Variants in FAM200B observed in about 807,000 individuals in gnomAD.
The protein encoded by FAM200B is protein FAM200B.
A neutral mutation model predicts 33.1 loss-of-function variants in FAM200B; 32 were observed. That is an observed-to-expected ratio of 0.97 (90% CI 0.73 to 1.30). The LOEUF is 1.30. Ranked by LOEUF, FAM200B falls within the 50% of genes most tolerant of loss-of-function variation. The pLI, the probability that FAM200B is intolerant of heterozygous loss-of-function variation, is 0.00. For missense variants in FAM200B, 741 were observed against 754.0 expected (o/e 0.98, Z 0.20); for synonymous variants, 240 against 264.8 (o/e 0.91, Z 0.91).
chr4:15,658,060 C>A, the FAM200B span, among the ~76,000 whole-genome samples: 1 of 152,162 alleles, frequency 6.6e-6, no homozygotes, highest in South Asian at 2.1e-4. Context: ...AAAAATATAA[C>A]TTATTCTGTT....
Position 15,689,007 on chromosome 4 carries a change from T to C in FAM200B, c.*56T>C. On this transcript the variant is annotated 3_prime_UTR_variant, in exon 2 of 2. Coordinates refer to ENST00000422728, the MANE Select transcript of FAM200B (RefSeq NM_001145191.2). Reference sequence around the variant, plus strand: ...TGTATTTCTTATTTTGTAGTATTTTTCTATGTTATATTTAAATGGTACTAT... The same window carrying C: ...TGTATTTCTTATTTTGTAGTATTTTCCTATGTTATATTTAAATGGTACTAT... 7.8e-7 allele frequency: 1 copy of C among 1,288,520 alleles called. No homozygotes were observed. The highest frequency in any genetic ancestry group is 2.1e-5 in the South Asian group (1 of 47,616). The allele number at this position is 1,288,520 out of a possible 1,614,324, so 79.8% of individuals were successfully genotyped here. A position where few individuals can be genotyped will look rare whatever the true frequency, so the allele number is the denominator to read the frequency against.
the FAM200B span, among the ~76,000 whole-genome samples, chr4:15,646,260 T>C: frequency 1.3e-5 from 2 of 152,206 alleles, no homozygotes; most frequent in Non-Finnish European, 2.9e-5. Flanking sequence ...CAAAATACTA[T>C]TCTTCTTTTG....
the FAM200B span, among the ~76,000 whole-genome samples, chr4:15,665,297 T>C: frequency 6.6e-6 from 1 of 152,072 alleles, no homozygotes; most frequent in Non-Finnish European, 1.5e-5. Flanking sequence ...GCCCCCTACC[T>C]CCCTGGGCAT....
At chr4:15,674,204 G>GTTTTTTTTTTTTTTTTTT in the FAM200B span, among the ~76,000 whole-genome samples, 1 of 140,216 alleles carries the variant, frequency 7.1e-6, no homozygotes. Flanking sequence ...AATGCATCGT[G>GTTTTTTTTTTTTTTTTTT]TTTTTTTTTT....
At chr4:15,662,823 A>C in the FAM200B span, among the ~76,000 whole-genome samples, 6 of 152,358 alleles carry the variant, frequency 3.9e-5, no homozygotes, top group East Asian at 7.7e-4. Flanking sequence ...AAGGAACAGC[A>C]GAATAGTGAA....
At chr4:15,655,312 A>C in the FAM200B span, 2 of 1,371,504 alleles carry the variant, frequency 1.5e-6, no homozygotes, top group Admixed American at 2.4e-5. Flanking sequence ...CCTCCGCCTC[A>C]GCAGCCGCGG....
chr4:15,652,789 C>G, the FAM200B span, among the ~76,000 whole-genome samples: 1 of 152,188 alleles, frequency 6.6e-6, no homozygotes, highest in Non-Finnish European at 1.5e-5. Context: ...AATAACTGGG[C>G]ATTCAGAGCC....
At chr4:15,642,777 A>T in the FAM200B span, among the ~76,000 whole-genome samples, 2 of 152,228 alleles carry the variant, frequency 1.3e-5, no homozygotes, top group South Asian at 4.1e-4. Context: ...ATCCATCTTT[A>T]CCACCTCCTA....
chr4:15,671,441 T>C, the FAM200B span, among the ~76,000 whole-genome samples: 1 of 152,024 alleles, frequency 6.6e-6, no homozygotes, highest in African/African-American at 2.4e-5. Flanking sequence ...GTACTCTGGT[T>C]TGGGTTTTTG....
At chr4:15,640,393 G>GA in the FAM200B span, among the ~76,000 whole-genome samples, 22,699 of 91,464 alleles carry the variant, frequency 0.25, 3,477 homozygotes, top group African/African-American at 0.35. Flanking sequence ...CTACACTACT[G>GA]AAAAAAAAAA....
chr4:15,645,022 T>C, the FAM200B span, among the ~76,000 whole-genome samples: 1 of 152,110 alleles, frequency 6.6e-6, no homozygotes, highest in Non-Finnish European at 1.5e-5. Context: ...CATTACTCTA[T>C]ATGTATGCTA....
the FAM200B span, among the ~76,000 whole-genome samples, chr4:15,665,417 T>C: frequency 1.3e-5 from 2 of 152,168 alleles, no homozygotes; most frequent in Non-Finnish European, 2.9e-5. Flanking sequence ...GTACAGCTCA[T>C]TTCTTCTATC....
At chr4:15,684,232 G>A (rs747153699) in intron 1 of FAM200B, among the ~76,000 whole-genome samples, 1 of 152,290 alleles carries the variant, frequency 6.6e-6, no homozygotes, top group South Asian at 2.1e-4. Context: ...GTACTTGATC[G>A]TGTTCGGGTA....
chr4:15,687,148 A>T lies in FAM200B; in HGVS notation c.171A>T (p.Lys57Asn). 1 of 1,547,714 alleles carries T rather than the reference A, an allele frequency of 6.5e-7. No individual in the cohort carries two copies. Among genetic ancestry groups the T allele is most frequent in the Non-Finnish European group, 8.7e-7 (1 of 1,145,566 alleles). Reference sequence around the variant, plus strand: ...TTGAGCCACATTTCAAAAAGAAAAAAGTAAGTGCAAGACGTTATAATGAAG... The same window carrying T: ...TTGAGCCACATTTCAAAAAGAAAAATGTAAGTGCAAGACGTTATAATGAAG... The part of the protein sequence containing the change: ...TSFEPHFKKK[K>N]VSARRYNEDY... The change falls in exon 2 of 2, where the codon AAA becomes AAT. Residue 57 changes from lysine to asparagine, a missense_variant. Lys to Asn is a moderately conservative substitution (Grantham distance 94). Transcript: ENST00000422728.
the FAM200B span, chr4:15,640,980 GAA>G: frequency 1.8e-6 from 1 of 549,814 alleles, no homozygotes; most frequent in Non-Finnish European, 3.1e-6. Context: ...AACCTCCGGG[GAA>G]AAAAAAATAG....
rs1719175637 is a variant in FAM200B, at chr4:15,689,082, A to G, written c.*131A>G. 2 of 734,402 alleles carry G rather than the reference A, an allele frequency of 2.7e-6. No individual in the cohort carries two copies. Among genetic ancestry groups the G allele is most frequent in the South Asian group, 5.9e-5 (1 of 17,054 alleles). The allele number at this position is 734,402 out of a possible 1,614,324, so 45.5% of individuals were successfully genotyped here. A position where few individuals can be genotyped will look rare whatever the true frequency, so the allele number is the denominator to read the frequency against. ...TTTAATTTTTGTTATATTTAATAAA[A>G]TTATTTTATGTTCATTGAACAAAAA... On this transcript the variant is annotated 3_prime_UTR_variant, in exon 2 of 2. Transcript: ENST00000422728.
At position 15,688,807 on chromosome 4, in the gene FAM200B, G is replaced by T. The variant is rs773532998; in HGVS notation, c.1830G>T (p.Leu610Phe). ...LLLLPFTTTS[L>F]CELGFSILTQ... ...TGCTACCATTCACAACAACTAGTTT[G>T]TGTGAACTAGGGTTTTCCATCTTAA... The change falls in exon 2 of 2, where the codon TTG (leucine) becomes TTT (phenylalanine). Residue 610 changes from leucine (L) to phenylalanine (F), a missense_variant. Transcript: ENST00000422728. The T allele has an allele frequency of 2.6e-6, 4 of 1,551,372 alleles. No individual in the cohort carries two copies. The highest frequency in any genetic ancestry group is 1.2e-5 in the South Asian group (1 of 84,060).
rs188407400 is a variant in FAM200B, at chr4:15,688,136, C to T, written c.1159C>T (p.Arg387Cys). Residue 387 changes from arginine to cysteine, a missense_variant, in exon 2 of 2, where the codon CGT becomes TGT. Physicochemically the swap from Arg to Cys is radical, Grantham distance 180. Transcript: ENST00000422728. ...HTHLLYHTKI[R>C]WLSQGKILSR... Reference sequence around the variant, plus strand: ...CCACTTACTATATCATACCAAAATTCGTTGGTTGTCTCAAGGGAAAATACT... The same window carrying T: ...CCACTTACTATATCATACCAAAATTTGTTGGTTGTCTCAAGGGAAAATACT... 3.5e-4 allele frequency: 541 copies of T among 1,550,912 alleles called. No individual in the cohort carries two copies. In the Middle Eastern group the frequency reaches 6.0e-3, roughly 17 times the overall value.
chr4:15,662,055 A>C, the FAM200B span, among the ~76,000 whole-genome samples: 1 of 152,188 alleles, frequency 6.6e-6, no homozygotes, highest in Non-Finnish European at 1.5e-5. Flanking sequence ...AAAATAAGTC[A>C]GTCTTTTATA....
Sources: allele counts gnomAD v4.1 joint callset (sites outside exome capture counted in the v4.1 genomes callset), GRCh38; gene constraint gnomAD v4.1.1; transcripts MANE v1.5; gene names NCBI Gene and HGNC (gene_info 2026-07-23, HGNC 2026-07-21).